The following PLAUR variants were observed in gnomAD, a reference collection of about 807,000 sequenced individuals.
The protein encoded by PLAUR is urokinase plasminogen activator surface receptor.
In PLAUR, 22 loss-of-function variants were observed where a neutral mutation model predicts 33.4. The observed-to-expected ratio is 0.66, with a 90% CI of 0.47 to 0.94. The LOEUF (loss-of-function observed/expected upper bound fraction) is 0.94, where lower values mean the gene tolerates loss of function less well. Among genes scored for constraint, PLAUR ranks in the 40% least tolerant of loss-of-function variants. The pLI is 0.00. For missense variants in PLAUR, 408 were observed against 434.7 expected (o/e 0.94, Z 0.55); for synonymous variants, 148 against 167.3 (o/e 0.88, Z 0.89).
Position 43,652,372 on chromosome 19 carries a change from C to T in PLAUR, c.608-1G>A. ...TGCGGCAGATTTTCAAGCTCCAGGA[C>T]TTAGGAGAAGACCAGAGACACAGAG... On this transcript the variant is annotated splice_acceptor_variant, in intron 5 of 6. Coordinates refer to ENST00000340093, the MANE Select transcript of PLAUR (RefSeq NM_002659.4). LOFTEE classifies it high-confidence loss of function. 1 of 1,613,900 alleles carries T rather than the reference C, an allele frequency of 6.2e-7. No homozygotes were observed. Among genetic ancestry groups the T allele is most frequent in the Non-Finnish European group, 8.5e-7 (1 of 1,179,886 alleles).
At position 43,665,323 on chromosome 19, in the gene PLAUR, G is replaced by A. The variant is rs371541255; in HGVS notation, c.303C>T (p.Gly101=). 4.5e-5 allele frequency: 73 copies of A among 1,613,826 alleles called. No homozygotes were observed. The highest frequency in any genetic ancestry group is 1.6e-4 in the Middle Eastern group (1 of 6,084). Residue 101 remains glycine, a synonymous_variant, in exon 3 of 7, where the codon GGC becomes GGT. Coordinates refer to ENST00000340093, the MANE Select transcript of PLAUR (RefSeq NM_002659.4). The stretch of plus-strand genomic sequence containing the variant: ...AAGGGCTGCCCTACTCACCAGAGTT[G>A]CCCTGGTTGCACAAGTCTAACCCAC... ...VVCGLDLCNQ[G]NSGRAVTYSR... is the part of the protein sequence containing the mutation.
rs371632627 is a variant in PLAUR, at chr19:43,667,584, C to A, written c.163G>T (p.Glu55Ter). 5 of 1,610,718 alleles carry A rather than the reference C, an allele frequency of 3.1e-6. No homozygotes were observed. In the African/African-American group the frequency reaches 5.3e-5, roughly 17 times the overall value. The change falls in exon 2 of 7, where the codon GAA becomes TAA. Residue 55 changes from glutamate (E) to a stop codon, truncating the protein, a stop_gained. Coordinates refer to ENST00000340093, the MANE Select transcript of PLAUR (RefSeq NM_002659.4). LOFTEE classifies it high-confidence loss of function. ...LCRTTIVRLW[E>*]EGEELELVEK... ...TGTGGGTTGGGGGGAAGCTCACCTT[C>A]CCACAAGCGCACGATCGTGGTCCTG...
intron 4 of PLAUR, 141 bp downstream of exon 4, chr19:43,656,338 G>T: frequency 1.6e-6 from 1 of 643,338 alleles, no homozygotes; most frequent in Non-Finnish European, 2.6e-6. Context: ...TGTGGCCCTG[G>T]ACTTCCTATC....
downstream of PLAUR, chr19:43,646,634 G>A (rs1208543819): frequency 4.4e-6 from 3 of 685,406 alleles, no homozygotes; most frequent in South Asian, 3.1e-5. Flanking sequence ...CATTCTACTG[G>A]TCAAAGCAGT....
chr19:43,663,139 C>T (rs995091684), intron 3 of PLAUR, among the ~76,000 whole-genome samples: 1 of 152,176 alleles, frequency 6.6e-6, no homozygotes, highest in African/African-American at 2.4e-5. Flanking sequence ...AGCCCTGACC[C>T]CTCTGCCTGT....
At chr19:43,669,196 C>T (rs1016522388) in intron 1 of PLAUR, among the ~76,000 whole-genome samples, 1 of 152,190 alleles carries the variant, frequency 6.6e-6, no homozygotes, top group Non-Finnish European at 1.5e-5. Flanking sequence ...AAGTGAGAGT[C>T]GCCTCAGTGA....
chr19:43,668,225 C>CA, intron 1 of PLAUR: 1 of 987,372 alleles, frequency 1.0e-6, no homozygotes, highest in Non-Finnish European at 1.2e-6. Flanking sequence ...AATTTATTCC[C>CA]AAATTCTAGG....
At chr19:43,655,337 G>A (rs3786953) in intron 5 of PLAUR, 102 bp downstream of exon 5, 106,262 of 1,063,240 alleles carry the variant, frequency 0.1, 7,688 homozygotes, top group East Asian at 0.31. Flanking sequence ...GCAAACAGAG[G>A]CCCAGAGAGG....
At chr19:43,663,797 CA>C (rs370189339) in intron 3 of PLAUR, among the ~76,000 whole-genome samples, 1,585 of 62,474 alleles carry the variant, frequency 0.025, 32 homozygotes, top group African/African-American at 0.072. Context: ...AACAAACAAA[CA>C]AAAAAAAAAA....
rs190626550 is a variant in PLAUR at position 43,651,100 on chromosome 19, C to T, written c.754+1125G>A. Among the ~76,000 whole-genome samples, 219 of 151,292 alleles carry T rather than the reference C, an allele frequency of 1.4e-3. 2 individuals are homozygous for T. The South Asian group carries it at 0.031, about 22-fold the overall frequency. On this transcript the variant is annotated intron_variant, in intron 6 of 6. Coordinates refer to ENST00000340093, the MANE Select transcript of PLAUR (RefSeq NM_002659.4). ...TTTTATTTTATTTTATTTTTTGGGA[C>T]GGAGTTTCACTCTTGTTGCCCAGGC...
chr19:43,651,161 C>T (rs1973978813), intron 6 of PLAUR, among the ~76,000 whole-genome samples: 1 of 152,100 alleles, frequency 6.6e-6, no homozygotes. Flanking sequence ...TCACCGCAAC[C>T]TCTGCCTCCC....
downstream of PLAUR, among the ~76,000 whole-genome samples, chr19:43,647,146 G>C (rs1204028715): frequency 6.6e-6 from 1 of 152,136 alleles, no homozygotes; most frequent in Non-Finnish European, 1.5e-5. Context: ...TGTCTCCATG[G>C]GTTGCCTTAG....
rs1280023230 is a variant in PLAUR at position 43,648,733 on chromosome 19, C to G, written c.*157G>C. 1 of 932,488 alleles carries G rather than the reference C, an allele frequency of 1.1e-6. No individual in the cohort carries two copies. Among genetic ancestry groups the G allele is most frequent in the East Asian group, 2.5e-5 (1 of 39,390 alleles). The allele number at this position is 932,488 out of a possible 1,614,324, so 57.8% of individuals were successfully genotyped here. On this transcript the variant is annotated 3_prime_UTR_variant, in exon 7 of 7. Transcript: ENST00000340093. Reference sequence around the variant, plus strand: ...AGCTTTTCTCTTCTGCTTCACACAACTTTGTGAGATAGCTGTTTTCATAGC... The same window carrying G: ...AGCTTTTCTCTTCTGCTTCACACAAGTTTGTGAGATAGCTGTTTTCATAGC...
At chr19:43,657,036 C>T (rs776809067) in intron 3 of PLAUR, among the ~76,000 whole-genome samples, 7 of 151,938 alleles carry the variant, frequency 4.6e-5, no homozygotes, top group Non-Finnish European at 1.0e-4. Context: ...CTCCACTCCC[C>T]GGGTTCAAGT....
At chr19:43,646,810 T>G (rs60964253), downstream of PLAUR, among the ~76,000 whole-genome samples, 310 of 134,168 alleles carry the variant, frequency 2.3e-3, 3 homozygotes, top group East Asian at 0.055. Context: ...TTTTTTTTTT[T>G]TGGGGATAGT....
At chr19:43,666,884 C>T (rs1210837324) in intron 2 of PLAUR, among the ~76,000 whole-genome samples, 1 of 144,458 alleles carries the variant, frequency 6.9e-6, no homozygotes, top group Non-Finnish European at 1.5e-5. Flanking sequence ...TTCTCTCTTT[C>T]GTTCATTTTT....
chr19:43,665,570 T>C (rs1232226187), intron 2 of PLAUR, 111 bp from the exon 3 acceptor site: 4 of 1,069,070 alleles, frequency 3.7e-6, no homozygotes, highest in African/African-American at 1.6e-5. Flanking sequence ...GCTAGGCCTC[T>C]TCTGTTATTT....
At chr19:43,668,011 G>A (rs1412207090) in intron 1 of PLAUR, 4 of 1,166,672 alleles carry the variant, frequency 3.4e-6, no homozygotes, top group African/African-American at 1.6e-5. Context: ...CTATCAGTAC[G>A]TTCTATTCCT....
chr19:43,666,748 T>C (rs1967273241), intron 2 of PLAUR, among the ~76,000 whole-genome samples: 1 of 151,576 alleles, frequency 6.6e-6, no homozygotes, highest in South Asian at 2.1e-4. Flanking sequence ...TTGTATTTTT[T>C]AGTAGAGACA....
Sources: gnomAD v4.1 joint callset for allele counts (sites outside exome capture counted in the v4.1 genomes callset) on GRCh38, gnomAD v4.1.1 for gene constraint, MANE v1.5 for transcripts, NCBI Gene and HGNC (gene_info 2026-07-23, HGNC 2026-07-21) for gene names.